SYN3: variants seen among roughly 807,000 people sequenced by gnomAD.
SYN3 encodes the protein synapsin-3.
In SYN3, 35 loss-of-function variants were observed where a neutral mutation model predicts 65.8. That is an observed-to-expected ratio of 0.53 (90% confidence interval 0.41 to 0.70). The LOEUF is 0.70. SYN3 is among the 30% of genes least tolerant of loss of function. The pLI, the probability that SYN3 is intolerant of heterozygous loss-of-function variation, is 0.00. For missense variants in SYN3, 680 were observed against 749.0 expected, an observed-to-expected ratio of 0.91 and a Z score of 1.08; for synonymous variants, 270 against 292.9, an observed-to-expected ratio of 0.92 and a Z score of 0.80.
At chr22:32,991,588 T>A (rs984753060) in intron 2 of SYN3, among the ~76,000 whole-genome samples, 1 of 152,118 alleles carries the variant, frequency 6.6e-6, no homozygotes, top group Admixed American at 6.5e-5. Context: ...ATATCATCTG[T>A]CATAGAGCCT....
chr22:33,025,055 T>G (rs2145873883), intron 1 of SYN3, among the ~76,000 whole-genome samples: 1 of 152,284 alleles, frequency 6.6e-6, no homozygotes, highest in South Asian at 2.1e-4. Context: ...ACAAAAATTA[T>G]TTTGGTGGGC....
intron 7 of SYN3, among the ~76,000 whole-genome samples, chr22:32,561,264 A>G (rs2058582970): frequency 6.6e-6 from 1 of 152,170 alleles, no homozygotes; most frequent in African/African-American, 2.4e-5. Flanking sequence ...AGAGACAGAC[A>G]GAGCCTAGGG....
chr22:32,913,907 G>A (rs764267385), intron 4 of SYN3, among the ~76,000 whole-genome samples: 48 of 152,236 alleles, frequency 3.2e-4, no homozygotes, highest in Middle Eastern at 3.2e-3. Context: ...ACAAGCGTAT[G>A]TTCCAAGCAT....
intron 7 of SYN3, among the ~76,000 whole-genome samples, chr22:32,564,916 CCAAA>C (rs2058644804): frequency 6.7e-6 from 1 of 149,566 alleles, no homozygotes; most frequent in East Asian, 2.0e-4. Flanking sequence ...CGGATTACAC[CCAAA>C]CAGTGCTCCC....
At chr22:32,658,653 A>C (rs1830429068) in intron 6 of SYN3, among the ~76,000 whole-genome samples, 2 of 152,186 alleles carry the variant, frequency 1.3e-5, no homozygotes, top group South Asian at 4.1e-4. Context: ...CCATTTGATG[A>C]GTAAGGATGT....
chr22:32,780,096 GA>G (rs130537), intron 6 of SYN3, among the ~76,000 whole-genome samples: 138,223 of 139,050 alleles, frequency 0.99, 68,698 homozygotes, highest in East Asian at 1. Context: ...GAAAAAAAGA[GA>G]AAAAAAACAG....
intron 6 of SYN3, among the ~76,000 whole-genome samples, chr22:32,735,944 G>C (rs1328783816): frequency 2.0e-5 from 3 of 152,230 alleles, no homozygotes; most frequent in Non-Finnish European, 4.4e-5. Context: ...GAGGCAGGGG[G>C]ATGGCAGCAA....
chr22:32,582,818 G>A (rs79184817), intron 7 of SYN3, among the ~76,000 whole-genome samples: 7,367 of 152,284 alleles, frequency 0.048, 247 homozygotes, highest in Middle Eastern at 0.078. Flanking sequence ...CATCTGAATC[G>A]GTGCCCTTGG....
At chr22:32,953,262 C>T (rs2051346059) in intron 3 of SYN3, among the ~76,000 whole-genome samples, 1 of 152,150 alleles carries the variant, frequency 6.6e-6, no homozygotes, top group Admixed American at 6.5e-5. Flanking sequence ...TCATTTAGGA[C>T]ATTCTTATTG....
intron 6 of SYN3, among the ~76,000 whole-genome samples, chr22:32,613,688 A>G (rs527998445): frequency 1.3e-5 from 2 of 152,322 alleles, no homozygotes; most frequent in Non-Finnish European, 2.9e-5. Context: ...AGAGCTCTGT[A>G]AACGTCAGGT....
rs143004673 is a variant in SYN3, at chr22:32,841,231, G to A, written c.711+23684C>T. 5.3e-3 allele frequency among the ~76,000 whole-genome samples: 807 copies of A among 152,338 alleles called. 8 individuals carry two copies. Among genetic ancestry groups the A allele is most frequent in the Middle Eastern group, 0.024 (7 of 294 alleles). On this transcript the variant is annotated intron_variant, in intron 6 of 13. Coordinates refer to ENST00000358763, the MANE Select transcript of SYN3 (RefSeq NM_003490.4). ...AGGTAAAGCAAAGAACCTGCTGCCC[G>A]GGGAGGCTTACATTTTAATGGGGAG...
At chr22:32,858,240 G>C in intron 6 of SYN3, 1 of 1,537,838 alleles carries the variant, frequency 6.5e-7, no homozygotes, top group Non-Finnish European at 8.9e-7. Flanking sequence ...GGCTGGGAAG[G>C]GTATGCATGT....
chr22:32,960,127 C>G (rs2051601833), intron 3 of SYN3, among the ~76,000 whole-genome samples: 1 of 152,200 alleles, frequency 6.6e-6, no homozygotes, highest in Non-Finnish European at 1.5e-5. Flanking sequence ...GATGCTTTGA[C>G]CCCTGGGCCT....
chr22:32,771,304 A>T (rs952533134), intron 6 of SYN3, among the ~76,000 whole-genome samples: 1 of 152,170 alleles, frequency 6.6e-6, no homozygotes, highest in Admixed American at 6.5e-5. Flanking sequence ...GAAGTTGTCC[A>T]CCATGGAGAT....
intron 7 of SYN3, among the ~76,000 whole-genome samples, chr22:32,565,350 T>C (rs1459760483): frequency 6.6e-6 from 1 of 152,106 alleles, no homozygotes; most frequent in African/African-American, 2.4e-5. Context: ...CATGTATAAT[T>C]ACAAGTTTTC....
chr22:32,916,740 T>C (rs1445901413), intron 4 of SYN3, among the ~76,000 whole-genome samples: 1 of 152,146 alleles, frequency 6.6e-6, no homozygotes, highest in African/African-American at 2.4e-5. Context: ...GCACAAGCAT[T>C]TGCATTTTAA....
chr22:32,680,717 C>T (rs925848431), intron 6 of SYN3, among the ~76,000 whole-genome samples: 2 of 152,230 alleles, frequency 1.3e-5, no homozygotes, highest in Admixed American at 1.3e-4. Flanking sequence ...TGCCAAGCTA[C>T]AAGTCCAACT....
chr22:32,854,817 G>A (rs546246383), intron 6 of SYN3, among the ~76,000 whole-genome samples: 2 of 152,298 alleles, frequency 1.3e-5, no homozygotes, highest in East Asian at 3.9e-4. Flanking sequence ...AGGTTCAGAA[G>A]GAAGACCATC....
rs1287914247 is a variant in SYN3, at chr22:32,858,177, T to A, written c.711+6738A>T. On this transcript the variant is annotated intron_variant, in intron 6 of 13. Coordinates refer to ENST00000358763, the MANE Select transcript of SYN3 (RefSeq NM_003490.4). Reference sequence around the variant, plus strand: ...TCACTGGGGGAAGGAGGGGAGGTGCTGACTTGCAGCCCTAGAAACATCAGC... The same window carrying A: ...TCACTGGGGGAAGGAGGGGAGGTGCAGACTTGCAGCCCTAGAAACATCAGC... 7 of 1,609,832 alleles carry A rather than the reference T, an allele frequency of 4.3e-6. No individual in the cohort carries two copies. The African/African-American group carries it at 8.0e-5, about 18-fold the overall frequency.
Sources: gnomAD v4.1 joint callset for allele counts (sites outside exome capture counted in the v4.1 genomes callset) on GRCh38, gnomAD v4.1.1 for gene constraint, MANE v1.5 for transcripts, NCBI Gene and HGNC (gene_info 2026-07-23, HGNC 2026-07-21) for gene names.